IL1RAPL2: variants seen among roughly 807,000 people sequenced by gnomAD.
The protein encoded by IL1RAPL2 is interleukin 1 receptor accessory protein like 2.
A neutral mutation model predicts 44.1 loss-of-function variants in IL1RAPL2; 3 were observed. The observed-to-expected ratio is 0.07, with a 90% CI of 0.03 to 0.18. IL1RAPL2 has a LOEUF of 0.18. IL1RAPL2 is among the 10% of genes least tolerant of loss of function. The pLI is 1.00. For missense variants in IL1RAPL2, 391 were observed against 496.4 expected, an observed-to-expected ratio of 0.79 and a Z score of 2.02; for synonymous variants, 181 against 178.8, an observed-to-expected ratio of 1.01 and a Z score of -0.10.
At chrX:105,714,292 T>C (rs1045694842) in intron 6 of IL1RAPL2, among the ~76,000 whole-genome samples, 4 of 111,709 alleles carry the variant, frequency 3.6e-5, no homozygotes, top group African/African-American at 1.3e-4. Flanking sequence ...GTCAGAATTC[T>C]CTTTATGGTC....
rs142032431 is a variant in IL1RAPL2 at position 105,397,347 on chromosome X, G to A, written c.698-86966G>A. 4.2e-3 allele frequency among the ~76,000 whole-genome samples: 471 copies of A among 111,083 alleles called. 4 individuals are homozygous for A. Among genetic ancestry groups the A allele is most frequent in the South Asian group, 8.1e-3 (21 of 2,603 alleles). On this transcript the variant is annotated intron_variant, in intron 5 of 10. Coordinates refer to ENST00000372582, the MANE Select transcript of IL1RAPL2 (RefSeq NM_017416.2). ...AGTTCCTTGTGCCAAAAAGGTTGGG[G>A]TCATTGAGTTAGGGGATCACTGTCT...
chrX:104,797,402 G>A (rs1316221121), intron 2 of IL1RAPL2, among the ~76,000 whole-genome samples: 1 of 110,514 alleles, frequency 9.0e-6, no homozygotes, highest in African/African-American at 3.3e-5. Context: ...TGTGTTCTGG[G>A]CAATACTAAT....
chrX:105,455,040 C>T (rs1423199005), intron 5 of IL1RAPL2, among the ~76,000 whole-genome samples: 1 of 111,724 alleles, frequency 9.0e-6, no homozygotes, highest in Non-Finnish European at 1.9e-5. Flanking sequence ...CCTACTCATA[C>T]TTTAAGATAC....
chrX:105,361,953 C>T (rs1484771663), intron 5 of IL1RAPL2, among the ~76,000 whole-genome samples: 4 of 111,471 alleles, frequency 3.6e-5, no homozygotes, highest in East Asian at 5.6e-4. Context: ...CTACATGGGA[C>T]GCTCTTTTGT....
chrX:105,438,548 C>T (rs998715847), intron 5 of IL1RAPL2, among the ~76,000 whole-genome samples: 3 of 110,604 alleles, frequency 2.7e-5, no homozygotes, highest in African/African-American at 9.9e-5. Context: ...AAAAGAACCA[C>T]GGAAATATAG....
intron 5 of IL1RAPL2, among the ~76,000 whole-genome samples, chrX:105,367,803 T>C (rs986565878): frequency 8.9e-6 from 1 of 111,888 alleles, no homozygotes; most frequent in African/African-American, 3.2e-5. Flanking sequence ...AGAATGTTCT[T>C]AGTTTGACTA....
At chrX:104,828,907 C>T (rs1196306240) in intron 2 of IL1RAPL2, among the ~76,000 whole-genome samples, 1 of 112,698 alleles carries the variant, frequency 8.9e-6, no homozygotes, top group Admixed American at 9.3e-5. Flanking sequence ...TCCGAACTTC[C>T]TGGCGGCTTT....
chrX:104,947,613 C>A (rs1420626597), intron 2 of IL1RAPL2, among the ~76,000 whole-genome samples: 1 of 104,860 alleles, frequency 9.5e-6, no homozygotes, highest in Non-Finnish European at 2.0e-5. Context: ...AGGAAGGGAT[C>A]CAGTTTCAGC....
At chrX:104,834,968 G>T (rs978261173) in intron 2 of IL1RAPL2, among the ~76,000 whole-genome samples, 1 of 111,474 alleles carries the variant, frequency 9.0e-6, no homozygotes, top group African/African-American at 3.3e-5. Context: ...TTCTGACAAG[G>T]CTCTAGTATT....
intron 1 of IL1RAPL2, among the ~76,000 whole-genome samples, chrX:104,642,113 A>T (rs1432384287): frequency 9.0e-6 from 1 of 111,417 alleles, no homozygotes; most frequent in African/African-American, 3.3e-5. Flanking sequence ...TCAATTGGAA[A>T]GTCGCTCCCA....
intron 1 of IL1RAPL2, among the ~76,000 whole-genome samples, chrX:104,631,526 C>A (rs1929649739): frequency 1.8e-5 from 2 of 111,255 alleles, no homozygotes; most frequent in South Asian, 7.6e-4. Context: ...TTAATGATCG[C>A]CATTCTAACT....
rs778392028 is a variant in IL1RAPL2, at chrX:104,582,822, CTCTTTCTTTCTTTCTTTCTTTCTTTCTT to C, written c.-20+15793_-20+15820del. Among the ~76,000 whole-genome samples the C allele has an allele frequency of 6.9e-3, 280 of 40,656 alleles. 3 individuals are homozygous for C. Among genetic ancestry groups the C allele is most frequent in the Middle Eastern group, 0.015 (1 of 67 alleles). 35.3% of individuals were successfully genotyped at this position (40,656 alleles called of 115,157 possible). A position where few individuals can be genotyped will look rare whatever the true frequency, so the allele number is the denominator to read the frequency against. On this transcript the variant is annotated intron_variant, in intron 1 of 10. Coordinates refer to ENST00000372582, the MANE Select transcript of IL1RAPL2 (RefSeq NM_017416.2). ...CTCTCTCTCTTTCTCTCCTTTCTTTCTCTTTCTTTCTTTCTTTCTTTCTTTCTTTCTTTCTTTCTTTCTTTCTTTTTCT... is the reference window on the plus strand; with the variant it reads ...CTCTCTCTCTTTCTCTCCTTTCTTTCTCTTTCTTTCTTTCTTTCTTTTTCT...
intron 2 of IL1RAPL2, among the ~76,000 whole-genome samples, chrX:104,721,576 G>A (rs1028660744): frequency 2.7e-5 from 3 of 110,461 alleles, no homozygotes; most frequent in Admixed American, 9.7e-5. Context: ...CAAGGGATGC[G>A]GGGTTTAATA....
At chrX:104,772,165 A>G (rs1932650786) in intron 2 of IL1RAPL2, among the ~76,000 whole-genome samples, 1 of 111,873 alleles carries the variant, frequency 8.9e-6, no homozygotes, top group Non-Finnish European at 1.9e-5. Context: ...CCTTTCTTTC[A>G]GGATGAGGTT....
At chrX:104,847,625 T>C (rs1045177829) in intron 2 of IL1RAPL2, among the ~76,000 whole-genome samples, 1 of 111,847 alleles carries the variant, frequency 8.9e-6, no homozygotes, top group Non-Finnish European at 1.9e-5. Context: ...GTCAGGTAGC[T>C]TGACGCCTCC....
chrX:105,655,021 G>C (rs778543309), intron 6 of IL1RAPL2, among the ~76,000 whole-genome samples: 93 of 112,371 alleles, frequency 8.3e-4, no homozygotes, highest in African/African-American at 2.9e-3. Flanking sequence ...TTTAGATTTG[G>C]TTGAAATGGT....
At chrX:105,017,828 A>G (rs771785216) in intron 2 of IL1RAPL2, among the ~76,000 whole-genome samples, 1 of 110,472 alleles carries the variant, frequency 9.1e-6, no homozygotes, top group African/African-American at 3.4e-5. Context: ...GGTAAGAGGA[A>G]GACTGTTTAC....
intron 5 of IL1RAPL2, among the ~76,000 whole-genome samples, chrX:105,371,414 G>A (rs771197142): frequency 1.5e-4 from 17 of 110,973 alleles, no homozygotes; most frequent in South Asian, 3.8e-4. Context: ...TTTATATATC[G>A]TAAAAGGAAT....
chrX:105,120,913 G>A (rs926267951), intron 2 of IL1RAPL2, among the ~76,000 whole-genome samples: 4 of 110,898 alleles, frequency 3.6e-5, no homozygotes, highest in Non-Finnish European at 7.6e-5. Flanking sequence ...TCTCTTTGGT[G>A]TCCTTTTTTT....
Sources: gnomAD v4.1 joint callset for allele counts (sites outside exome capture counted in the v4.1 genomes callset) on GRCh38, gnomAD v4.1.1 for gene constraint, MANE v1.5 for transcripts, NCBI Gene and HGNC (gene_info 2026-07-23, HGNC 2026-07-21) for gene names.